Variants in FAM200C observed in about 807,000 individuals in gnomAD.
chr5:160,395,405 T>G, the FAM200C span: 1 of 1,614,040 alleles, frequency 6.2e-7, no homozygotes, highest in Non-Finnish European at 8.5e-7. Context: ...CAACACACAC[T>G]GTGGACGCTG....
the FAM200C span, chr5:160,393,733 C>G: frequency 6.4e-7 from 1 of 1,551,868 alleles, no homozygotes; most frequent in Non-Finnish European, 8.7e-7. Context: ...GTAGCTGTAG[C>G]TTTTGTTCAA....
chr5:160,395,250 C>CT, the FAM200C span: 1 of 1,614,052 alleles, frequency 6.2e-7, no homozygotes, highest in South Asian at 1.1e-5. Flanking sequence ...ACTCCAAATG[C>CT]TTTCAAGGTT....
At chr5:160,397,290 A>T in the FAM200C span, among the ~76,000 whole-genome samples, 4 of 152,222 alleles carry the variant, frequency 2.6e-5, no homozygotes, top group Non-Finnish European at 5.9e-5. Context: ...GAATGGTCCC[A>T]ATGCTTTAAT....
At chr5:160,395,082 G>T in the FAM200C span, 1 of 1,614,096 alleles carries the variant, frequency 6.2e-7, no homozygotes, top group Non-Finnish European at 8.5e-7. Context: ...GGTACCTGCT[G>T]AAGCTTTTTT....
chr5:160,395,553 A>T, the FAM200C span: 1 of 1,350,098 alleles, frequency 7.4e-7, no homozygotes, highest in Admixed American at 1.8e-5. Flanking sequence ...TGGGAGTAAA[A>T]TATAACCCAC....
chr5:160,394,611 C>G, the FAM200C span: 2 of 1,614,160 alleles, frequency 1.2e-6, no homozygotes, highest in South Asian at 1.1e-5. Context: ...ACCCTCACCA[C>G]AGTAAACAGA....
chr5:160,395,351 A>G, the FAM200C span: 2 of 1,614,218 alleles, frequency 1.2e-6, no homozygotes, highest in Non-Finnish European at 1.7e-6. Context: ...ATGGTCTGAC[A>G]GTTTTGATGG....
At chr5:160,397,021 A>G in the FAM200C span, among the ~76,000 whole-genome samples, 3 of 152,252 alleles carry the variant, frequency 2.0e-5, no homozygotes, top group Non-Finnish European at 1.5e-5. Flanking sequence ...GATAATTCTT[A>G]TAAATAGTAA....
At chr5:160,394,884 C>A in the FAM200C span, 4 of 1,612,552 alleles carry the variant, frequency 2.5e-6, no homozygotes, top group Non-Finnish European at 3.4e-6. Context: ...AAGAGAAATT[C>A]TTCTACGATC....
chr5:160,395,321 C>A, the FAM200C span: 3 of 1,614,202 alleles, frequency 1.9e-6, no homozygotes, highest in Non-Finnish European at 2.5e-6. Context: ...CCCAGCTACA[C>A]CACCATGCTG....
chr5:160,399,665 T>C, the FAM200C span: 2 of 152,060 alleles, frequency 1.3e-5, no homozygotes, highest in Non-Finnish European at 2.9e-5. Flanking sequence ...GAGATTTAAT[T>C]ATAAGAATGC....
chr5:160,395,544 G>T, the FAM200C span: 1 of 1,479,092 alleles, frequency 6.8e-7, no homozygotes. Flanking sequence ...ATTTTGCTTT[G>T]GGAGTAAAAT....
chr5:160,399,581 C>T, the FAM200C span: 2 of 152,248 alleles, frequency 1.3e-5, no homozygotes, highest in African/African-American at 4.8e-5. Flanking sequence ...GGCTTTGTCA[C>T]TTACAGGATG....
chr5:160,393,183 T>C, the FAM200C span: 2 of 152,530 alleles, frequency 1.3e-5, no homozygotes, highest in Non-Finnish European at 2.9e-5. Context: ...ATGATATTCA[T>C]AGCACAGGAG....
the FAM200C span, chr5:160,394,491 G>A: frequency 3.1e-6 from 5 of 1,614,074 alleles, no homozygotes; most frequent in Admixed American, 8.3e-5. Flanking sequence ...CCTCGGGAAA[G>A]CCACCTCATT....
chr5:160,394,988 C>T, the FAM200C span: 1 of 1,613,852 alleles, frequency 6.2e-7, no homozygotes, highest in Non-Finnish European at 8.5e-7. Context: ...TTTAAGAGGA[C>T]TGGCTTTGAT....
At chr5:160,394,568 T>C in the FAM200C span, 1 of 1,614,178 alleles carries the variant, frequency 6.2e-7, no homozygotes, top group Non-Finnish European at 8.5e-7. Flanking sequence ...AAATAGGCGA[T>C]GATTTGGAGC....
At chr5:160,396,498 C>G in the FAM200C span, among the ~76,000 whole-genome samples, 1 of 151,996 alleles carries the variant, frequency 6.6e-6, no homozygotes, top group African/African-American at 2.4e-5. Flanking sequence ...TGCCTGTAAT[C>G]CCAGCACTTT....
chr5:160,396,697 G>GAAAAAAAAAAAAAAAAAAAAA, the FAM200C span, among the ~76,000 whole-genome samples: 5 of 49,266 alleles, frequency 1.0e-4, 1 homozygote, highest in Admixed American at 2.2e-4. Context: ...AAGTCTCTGT[G>GAAAAAAAAAAAAAAAAAAAAA]GAAAAAAAAA....
Sources: allele counts gnomAD v4.1 joint callset (sites outside exome capture counted in the v4.1 genomes callset), GRCh38; gene constraint gnomAD v4.1.1; transcripts MANE v1.5.